Variants in PCNX1 observed in about 807,000 individuals in gnomAD.
PCNX1 encodes pecanex-like protein 1.
A neutral mutation model predicts 242.2 loss-of-function variants in PCNX1; 78 were observed. The observed-to-expected ratio is 0.32, with a 90% confidence interval of 0.27 to 0.39. The LOEUF (loss-of-function observed/expected upper bound fraction) is 0.39, where lower values mean the gene tolerates loss of function less well. Ranked by LOEUF, PCNX1 falls within the 10% of genes least tolerant of loss-of-function variation. The pLI is 1.00. For missense variants in PCNX1, 2,581 were observed against 2,856.5 expected (o/e 0.90, Z 2.20); for synonymous variants, 1,024 against 1,032.9 (o/e 0.99, Z 0.17).
In PCNX1 at chr14:71,073,567, A is replaced by C. The variant is rs2061640126; in HGVS notation, c.4875A>C (p.Glu1625Asp). Reference sequence around the variant, plus strand: ...AAGGTACCTACTGTCAACAACGGGAAGTGGAGGCCATTACTGAAGGTGTAG... The same window carrying C: ...AAGGTACCTACTGTCAACAACGGGACGTGGAGGCCATTACTGAAGGTGTAG... ...EFRGTYCQQR[E>D]VEAITEGVEE... The change falls in exon 27 of 36, where the codon GAA becomes GAC. Residue 1625 changes from glutamate (E) to aspartate (D), a missense_variant. Physicochemically the swap from Glu to Asp is conservative, Grantham distance 45. This residue lies in a region of PCNX1 where 298 missense variants were observed against 480.1 expected (regional missense o/e 0.62). Coordinates refer to ENST00000304743, the MANE Select transcript of PCNX1 (RefSeq NM_014982.3). 1 of 1,612,142 alleles carries C rather than the reference A, an allele frequency of 6.2e-7. No homozygotes were observed. The highest frequency in any genetic ancestry group is 1.7e-5 in the Admixed American group (1 of 59,812).
chr14:71,070,927 A>G lies in PCNX1; in HGVS notation c.4853-2618A>G, dbSNP rs147210425. On this transcript the variant is annotated intron_variant, in intron 26 of 35. Coordinates refer to ENST00000304743, the MANE Select transcript of PCNX1 (RefSeq NM_014982.3). ...CTTTCCGTGTAAGGATGTTTAGTCT[A>G]TTTTGAAAATCTGTTGTTGTAGTGT... is the stretch of plus-strand genomic sequence containing the variant. 8.9e-3 allele frequency among the ~76,000 whole-genome samples: 1,352 copies of G among 152,310 alleles called. 9 individuals carry two copies. Among genetic ancestry groups the G allele is most frequent in the South Asian group, 0.017 (82 of 4,828 alleles).
chr14:71,042,839 G>GT (rs931109541), intron 19 of PCNX1, among the ~76,000 whole-genome samples: 4 of 151,586 alleles, frequency 2.6e-5, no homozygotes, highest in African/African-American at 9.7e-5. Context: ...AATTTGATTG[G>GT]TTTTTTGTAG....
At chr14:70,931,812 AAG>A (rs1224922673) in intron 1 of PCNX1, among the ~76,000 whole-genome samples, 1 of 152,206 alleles carries the variant, frequency 6.6e-6, no homozygotes, top group Non-Finnish European at 1.5e-5. Flanking sequence ...AGACCACACA[AAG>A]AGAAACAGGG....
chr14:71,006,705 C>T (rs866110317), intron 8 of PCNX1, among the ~76,000 whole-genome samples: 3 of 152,058 alleles, frequency 2.0e-5, no homozygotes, highest in African/African-American at 4.8e-5. Flanking sequence ...CTTGTACAAA[C>T]GTAATCTTCA....
At chr14:70,998,867 A>G (rs1341856728) in intron 8 of PCNX1, among the ~76,000 whole-genome samples, 1 of 150,900 alleles carries the variant, frequency 6.6e-6, no homozygotes, top group Non-Finnish European at 1.5e-5. Context: ...TAAGTGTTGG[A>G]TGAGTTTTGG....
chr14:71,010,371 T>C (rs964074741), intron 9 of PCNX1, among the ~76,000 whole-genome samples: 2 of 152,182 alleles, frequency 1.3e-5, no homozygotes, highest in East Asian at 3.9e-4. Context: ...TTATGTAATT[T>C]TAAAATTTTA....
At chr14:71,071,843 A>T (rs1001434785) in intron 26 of PCNX1, among the ~76,000 whole-genome samples, 1 of 152,180 alleles carries the variant, frequency 6.6e-6, no homozygotes, top group Non-Finnish European at 1.5e-5. Context: ...CTTTACTTAA[A>T]CACTTAGAGG....
intron 12 of PCNX1, among the ~76,000 whole-genome samples, chr14:71,022,016 C>G (rs889950258): frequency 1.3e-5 from 2 of 152,106 alleles, no homozygotes; most frequent in Admixed American, 1.3e-4. Context: ...AGCTTTAGTC[C>G]TGTGTATCTA....
At chr14:71,100,133 C>T (rs1377421735) in intron 30 of PCNX1, among the ~76,000 whole-genome samples, 1 of 152,084 alleles carries the variant, frequency 6.6e-6, no homozygotes, top group Non-Finnish European at 1.5e-5. Flanking sequence ...CATGAAGGTC[C>T]TATCATGTAT....
At chr14:71,017,468 A>T (rs2059989553) in intron 11 of PCNX1, among the ~76,000 whole-genome samples, 1 of 152,142 alleles carries the variant, frequency 6.6e-6, no homozygotes, top group African/African-American at 2.4e-5. Context: ...ACAAAAATAA[A>T]GAACTTGTAG....
chr14:71,086,350 C>T (rs923772328), intron 28 of PCNX1, among the ~76,000 whole-genome samples: 4 of 152,224 alleles, frequency 2.6e-5, no homozygotes, highest in Non-Finnish European at 5.9e-5. Context: ...GTCCTATTTT[C>T]CTGCTACTTG....
At chr14:71,044,560 T>C (rs909673985) in intron 19 of PCNX1, 2 of 152,386 alleles carry the variant, frequency 1.3e-5, no homozygotes, top group African/African-American at 4.8e-5. Flanking sequence ...ATGACCCTCC[T>C]GCGAAGCATG....
intron 15 of PCNX1, among the ~76,000 whole-genome samples, chr14:71,027,910 T>C (rs1260152642): frequency 1.3e-5 from 2 of 151,916 alleles, no homozygotes; most frequent in African/African-American, 4.8e-5. Context: ...TTAGTGTAGG[T>C]AATTTATGAT....
chr14:71,011,424 C>A (rs2059817619), intron 9 of PCNX1, 68 bp from the exon 10 acceptor site: 1 of 854,596 alleles, frequency 1.2e-6, no homozygotes, highest in Admixed American at 2.1e-5. Context: ...TGAATCTCAT[C>A]TGAATGTTAA....
At chr14:70,910,214 T>C (rs866006947) in intron 1 of PCNX1, among the ~76,000 whole-genome samples, 1 of 58,840 alleles carries the variant, frequency 1.7e-5, no homozygotes, top group Non-Finnish European at 3.6e-5. Context: ...CTCGTCCTCC[T>C]CCTCCTCCTC....
chr14:71,023,831 A>C (rs1029491231), intron 13 of PCNX1, among the ~76,000 whole-genome samples: 3 of 152,140 alleles, frequency 2.0e-5, no homozygotes, highest in Admixed American at 6.5e-5. Flanking sequence ...AATAGACTTC[A>C]TGAATAGTTT....
At chr14:71,089,614 GC>G (rs2062077012) in intron 30 of PCNX1, among the ~76,000 whole-genome samples, 1 of 142,102 alleles carries the variant, frequency 7.0e-6, no homozygotes, top group Non-Finnish European at 1.6e-5. Context: ...CCCTTATAAA[GC>G]CATCAGATCT....
chr14:70,981,678 T>C (rs962744813), intron 6 of PCNX1, among the ~76,000 whole-genome samples: 1 of 152,202 alleles, frequency 6.6e-6, no homozygotes, highest in African/African-American at 2.4e-5. Context: ...TTTTAAATTA[T>C]AAGGCATATC....
chr14:71,046,990 A>G lies in PCNX1; in HGVS notation c.4045A>G (p.Lys1349Glu), dbSNP rs1254088105. ...TGCAGCCACTATGATGTGGTTTGAG[A>G]AACTTCATGTGTGGCTTCTTTTTGT... ...RNAATMMWFE[K>E]LHVWLLFVEK... The change falls in exon 21 of 36, where the codon AAA (lysine) becomes GAA (glutamate). Residue 1349 changes from lysine to glutamate, a missense_variant. Around this residue, in one of 9 missense-constraint regions of PCNX1, gnomAD observed 432 missense variants for 443.1 expected, o/e 0.97. Coordinates refer to ENST00000304743, the MANE Select transcript of PCNX1 (RefSeq NM_014982.3). 2.0e-5 allele frequency: 32 copies of G among 1,610,544 alleles called. No homozygotes were observed. Among genetic ancestry groups the G allele is most frequent in the Non-Finnish European group, 2.7e-5 (32 of 1,178,166 alleles).
Sources: allele counts gnomAD v4.1 joint callset (sites outside exome capture counted in the v4.1 genomes callset), GRCh38; gene constraint gnomAD v4.1.1; regional missense constraint gnomAD v4.1.1; transcripts MANE v1.5; gene names NCBI Gene and HGNC (gene_info 2026-07-23, HGNC 2026-07-21).